Variants in FSD1 observed in about 807,000 individuals in gnomAD.
FSD1 encodes fibronectin type III and SPRY domain-containing protein 1.
FSD1 carries 23 observed loss-of-function variants against 58.2 expected under a neutral mutation model. That is an observed-to-expected ratio of 0.40 (90% CI 0.28 to 0.56). FSD1 has a LOEUF of 0.56. Among genes scored for constraint, FSD1 ranks in the 20% least tolerant of loss-of-function variants. FSD1 has a pLI of 0.54. For synonymous variants in FSD1, 265 were observed against 263.4 expected (o/e 1.01, Z -0.06); for missense variants, 563 against 670.8 (o/e 0.84, Z 1.78).
At chr19:4,311,685 T>TA (rs59243536) in intron 6 of FSD1, 157 bp from the exon 7 acceptor site, 32,998 of 512,316 alleles carry the variant, frequency 0.064, no homozygotes, top group East Asian at 0.083. Flanking sequence ...ACTCTGTCTC[T>TA]AAAAAAAAAA....
At chr19:4,310,897 C>G (rs1971682520) in intron 6 of FSD1, 1 of 269,994 alleles carries the variant, frequency 3.7e-6, no homozygotes, top group African/African-American at 2.2e-5. Flanking sequence ...CTCATGAGGC[C>G]CCGCCCTGGG....
At chr19:4,316,507 C>T (rs985084653) in intron 7 of FSD1, among the ~76,000 whole-genome samples, 1 of 152,078 alleles carries the variant, frequency 6.6e-6, no homozygotes, top group Non-Finnish European at 1.5e-5. Context: ...AGGCGTAAGC[C>T]ACCGCACCCA....
chr19:4,323,231 C>G lies in FSD1; in HGVS notation c.1285C>G (p.His429Asp). ...PDCLGVHCDFHQGLLSFYNAR... is the reference protein window; with the variant it reads ...PDCLGVHCDFDQGLLSFYNAR... ...CTGCCTGGGTGTGCACTGTGACTTC[C>G]ACCAAGGTGACCCCAAGCCCCAGCT... The change falls in exon 11 of 13, where the codon CAC (histidine) becomes GAC (aspartate). Residue 429 changes from histidine (H) to aspartate (D), a missense_variant. His to Asp is a moderately conservative substitution (Grantham distance 81). Transcript: ENST00000221856. The surrounding 1 kb of genome is among the most constrained non-coding windows in gnomAD (Gnocchi z 7.7). 1 of 1,605,252 alleles carries G rather than the reference C, an allele frequency of 6.2e-7. No homozygotes were observed. Among genetic ancestry groups the G allele is most frequent in the Non-Finnish European group, 8.5e-7 (1 of 1,179,346 alleles).
In FSD1 at chr19:4,318,376, C is replaced by G. The variant is rs1404295957; in HGVS notation, c.830C>G (p.Ser277Cys). Reference sequence around the variant, plus strand: ...ATGTTCCGCCTGGATGCGTCCACATCCCACCAGAACCTGCGGGTGGATGAT... The same window carrying G: ...ATGTTCCGCCTGGATGCGTCCACATGCCACCAGAACCTGCGGGTGGATGAT... ...AFMFRLDAST[S>C]HQNLRVDDLS... The change falls in exon 9 of 13, where the codon TCC (serine) becomes TGC (cysteine). Residue 277 changes from serine to cysteine, a missense_variant. Transcript: ENST00000221856. The G allele has an allele frequency of 6.2e-7, 1 of 1,613,936 alleles. No homozygotes were observed.
chr19:4,321,299 TGAG>T (rs1264841512), intron 10 of FSD1, among the ~76,000 whole-genome samples: 1 of 124,314 alleles, frequency 8.0e-6, no homozygotes, highest in African/African-American at 3.2e-5. Flanking sequence ...TAGCTGGGAC[TGAG>T]GAGTATCTGT....
At position 4,317,173 on chromosome 19, in the gene FSD1, G is replaced by A. The variant is rs777456660; in HGVS notation, c.701-9G>A. 1 of 1,543,136 alleles carries A rather than the reference G, an allele frequency of 6.5e-7. No homozygotes were observed. The highest frequency in any genetic ancestry group is 1.7e-5 in the Admixed American group (1 of 59,884). ...TACACAGTGTTGAAATGCCTCTCTT[G>A]CCTACCAGGTCTCAAGTTTGACATG... is the stretch of plus-strand genomic sequence containing the variant. On this transcript the variant is annotated splice_polypyrimidine_tract_variant and intron_variant, in intron 7 of 12. Transcript: ENST00000221856.
intron 7 of FSD1, among the ~76,000 whole-genome samples, chr19:4,315,028 G>C (rs539479886): frequency 6.6e-6 from 1 of 152,232 alleles, no homozygotes; most frequent in South Asian, 2.1e-4. Context: ...ACCGATGAAA[G>C]CAGCTGCCTA....
intron 7 of FSD1, among the ~76,000 whole-genome samples, chr19:4,312,690 A>G (rs1971707603): frequency 6.6e-6 from 1 of 151,984 alleles, no homozygotes; most frequent in Non-Finnish European, 1.5e-5. Flanking sequence ...CTGTAGTCCC[A>G]GCTGCTCAGG....
intron 8 of FSD1, among the ~76,000 whole-genome samples, chr19:4,317,732 C>G (rs1971770161): frequency 6.6e-6 from 1 of 152,198 alleles, no homozygotes; most frequent in Admixed American, 6.6e-5. Context: ...GAAAATGCCT[C>G]CAGAGGCTGG....
rs767652433 is a variant in FSD1, at chr19:4,311,972, C to T, written c.621C>T (p.Phe207=). 9 of 1,607,972 alleles carry T rather than the reference C, an allele frequency of 5.6e-6. No individual in the cohort carries two copies. The highest frequency in any genetic ancestry group is 2.2e-5 in the East Asian group (1 of 44,792). Residue 207 remains phenylalanine, a synonymous_variant, in exon 7 of 13, where the codon TTC becomes TTT. Transcript: ENST00000221856. The part of the protein sequence containing the change: ...HYVLEYRRTN[F]EGPPRLKEDQ... ...TGCTGGAGTACCGGCGGACCAACTTCGAGGGCCCGCCCCGCCTCAAGGAGG... is the reference window on the plus strand; with the variant it reads ...TGCTGGAGTACCGGCGGACCAACTTTGAGGGCCCGCCCCGCCTCAAGGAGG...
chr19:4,318,214 C>A, intron 8 of FSD1, 132 bp from the exon 9 acceptor site: 1 of 1,153,988 alleles, frequency 8.7e-7, no homozygotes. Context: ...CTGTCTTGGA[C>A]TCTTATCTCC....
chr19:4,313,432 C>CGCATGAGATTAAAAAGCCA (rs1555730955), intron 7 of FSD1, among the ~76,000 whole-genome samples: 1 of 151,276 alleles, frequency 6.6e-6, no homozygotes, highest in African/African-American at 2.4e-5. Flanking sequence ...GGGGGAAAGC[C>CGCATGAGATTAAAAAGCCA]TCCTGGGCCG....
At position 4,304,695 on chromosome 19, in the gene FSD1, C is replaced by A. The variant is rs1028007211; in HGVS notation, c.-52C>A. 3.3e-6 allele frequency: 4 copies of A among 1,197,560 alleles called. No individual in the cohort carries two copies. In the African/African-American group the frequency reaches 4.7e-5, roughly 14 times the overall value. 74.2% of individuals were successfully genotyped at this position (1,197,560 alleles called of 1,614,324 possible). ...GGCCGCGGCAAAGGCAGCTTGGGGACCCAGCGTGCGCGGGGCCCGCGGGCC... is the reference window on the plus strand; with the variant it reads ...GGCCGCGGCAAAGGCAGCTTGGGGAACCAGCGTGCGCGGGGCCCGCGGGCC... On this transcript the variant is annotated 5_prime_UTR_variant, in exon 1 of 13. Transcript: ENST00000221856.
chr19:4,318,807 T>C lies in FSD1; in HGVS notation c.960-65T>C, dbSNP rs1010095316. On this transcript the variant is annotated intron_variant, in intron 9 of 12. Coordinates refer to ENST00000221856, the MANE Select transcript of FSD1 (RefSeq NM_024333.3). ...GTGGCTGGGGTGGACTAGGGTAGCC[T>C]TACCGTGGGAGAGAGAAGTGTTGAA... 45 of 1,330,184 alleles carry C rather than the reference T, an allele frequency of 3.4e-5. 1 individual carries two copies. The South Asian group carries it at 4.4e-4, about 13-fold the overall frequency. 82.4% of individuals were successfully genotyped at this position (1,330,184 alleles called of 1,614,324 possible).
intron 4 of FSD1, among the ~76,000 whole-genome samples, chr19:4,309,197 G>A (rs894402540): frequency 3.9e-5 from 6 of 152,040 alleles, no homozygotes; most frequent in African/African-American, 4.8e-5. Flanking sequence ...ACAATGAGCC[G>A]TGATTGTTAC....
intron 10 of FSD1, among the ~76,000 whole-genome samples, chr19:4,319,302 A>G (rs146246382): frequency 7.9e-5 from 12 of 152,178 alleles, no homozygotes; most frequent in African/African-American, 2.4e-4. Context: ...ATCATTGCCT[A>G]TAGAGCAACT....
chr19:4,308,731 A>G (rs1314222245), intron 4 of FSD1, among the ~76,000 whole-genome samples: 2 of 150,846 alleles, frequency 1.3e-5, no homozygotes, highest in African/African-American at 4.9e-5. Context: ...GGTGGCGGGC[A>G]CCTGTAGTTC....
intron 3 of FSD1, 111 bp from the exon 4 acceptor site, chr19:4,307,771 T>G (rs1971638546): frequency 7.0e-6 from 5 of 715,448 alleles, no homozygotes; most frequent in Admixed American, 5.9e-5. Flanking sequence ...ATCTCTCACC[T>G]GGAGTTCGAG....
At chr19:4,312,462 G>C (rs1298750023) in intron 7 of FSD1, among the ~76,000 whole-genome samples, 6 of 151,494 alleles carry the variant, frequency 4.0e-5, no homozygotes, top group African/African-American at 1.5e-4. Context: ...TTGCACTCCA[G>C]CCTGGGCAAC....
Sources: gnomAD v4.1 joint callset for allele counts (sites outside exome capture counted in the v4.1 genomes callset) on GRCh38, gnomAD v4.1.1 for gene constraint, Gnocchi (gnomAD v3.1) non-coding constraint, MANE v1.5 for transcripts, NCBI Gene and HGNC (gene_info 2026-07-23, HGNC 2026-07-21) for gene names.